The following FYB2 variants were observed in gnomAD, a reference collection of about 807,000 sequenced individuals.
FYB2 encodes the protein FYN binding protein 2, also known as FYN-binding protein 2.
A neutral mutation model predicts 94.1 loss-of-function variants in FYB2; 103 were observed. That is an observed-to-expected ratio of 1.09 (90% confidence interval 0.93 to 1.29). FYB2 has a LOEUF of 1.29. Among genes scored for constraint, FYB2 ranks in the 50% most tolerant of loss-of-function variants. The probability of loss-of-function intolerance (pLI) is 0.00; values close to 1 mark genes in which losing one functional copy is unlikely to be tolerated. For synonymous variants in FYB2, 293 were observed against 287.9 expected, an observed-to-expected ratio of 1.02 and a Z score of -0.18; for missense variants, 896 against 841.5, an observed-to-expected ratio of 1.06 and a Z score of -0.80.
chr1:56,747,629 T>C (rs540059276), intron 9 of FYB2, among the ~76,000 whole-genome samples: 1 of 152,236 alleles, frequency 6.6e-6, no homozygotes, highest in East Asian at 1.9e-4. Flanking sequence ...GGTATATATG[T>C]GCCACATTTT....
intron 1 of FYB2, among the ~76,000 whole-genome samples, chr1:56,809,852 T>C (rs1392622426): frequency 6.6e-6 from 1 of 152,238 alleles, no homozygotes; most frequent in South Asian, 2.1e-4. Context: ...TTTACAAAGC[T>C]ATTTCACTTC....
chr1:56,798,221 A>G (rs981450828), intron 1 of FYB2, among the ~76,000 whole-genome samples: 1 of 152,226 alleles, frequency 6.6e-6, no homozygotes, highest in African/African-American at 2.4e-5. Context: ...TAGAATGCCC[A>G]TGGAAACAAA....
chr1:56,794,020 G>A (rs1294919491), intron 1 of FYB2, among the ~76,000 whole-genome samples: 5 of 152,180 alleles, frequency 3.3e-5, no homozygotes, highest in African/African-American at 1.2e-4. Context: ...CATTATAAGT[G>A]AAATGTCCAT....
At chr1:56,764,120 T>G (rs1176465007) in intron 5 of FYB2, among the ~76,000 whole-genome samples, 2 of 151,952 alleles carry the variant, frequency 1.3e-5, no homozygotes, top group Non-Finnish European at 2.9e-5. Flanking sequence ...CCAGCTAATT[T>G]TTTTTGTATT....
At chr1:56,752,273 T>C (rs1435154743) in intron 8 of FYB2, among the ~76,000 whole-genome samples, 3 of 152,060 alleles carry the variant, frequency 2.0e-5, no homozygotes, top group Non-Finnish European at 4.4e-5. Context: ...CCTGATCACA[T>C]TTACATTTCA....
At position 56,819,272 on chromosome 1, in the gene FYB2, A is replaced by T. The variant is rs148020089; in HGVS notation, c.9+10T>A. 1.9e-5 allele frequency: 31 copies of T among 1,614,220 alleles called. No individual in the cohort carries two copies. The African/African-American group carries it at 2.9e-4, about 15-fold the overall frequency. ...ACAGAAAGCCAGCAACAAAACTGAG[A>T]CAGCCTTACCCCTTCCATTGCTTTC... On this transcript the variant is annotated intron_variant, in intron 1 of 19. Transcript: ENST00000343433.
Position 56,726,530 on chromosome 1 carries a change from T to C in FYB2, c.1847A>G (p.Lys616Arg). ...WKPKFLTPKEKKEKNGAEESE... is the reference protein window; with the variant it reads ...WKPKFLTPKERKEKNGAEESE... ...TTCTTCAGCACCGTTTTTCTCTTTT[T>C]TTTCCTTTGGTGTCAGAAACTTGGG... Residue 616 changes from lysine to arginine, a missense_variant, in exon 16 of 20, where the codon AAA becomes AGA. Lys to Arg is a conservative substitution (Grantham distance 26). Coordinates refer to ENST00000343433, the MANE Select transcript of FYB2 (RefSeq NM_001004303.5). 1 of 1,612,442 alleles carries C rather than the reference T, an allele frequency of 6.2e-7. No individual in the cohort carries two copies. The highest frequency in any genetic ancestry group is 8.5e-7 in the Non-Finnish European group (1 of 1,179,030).
chr1:56,741,483 C>A (rs546336081), intron 12 of FYB2, among the ~76,000 whole-genome samples: 3 of 152,132 alleles, frequency 2.0e-5, no homozygotes, highest in Admixed American at 6.6e-5. Context: ...CTGATGATTA[C>A]AATTCTGTCA....
chr1:56,793,999 A>C (rs1357613493), intron 1 of FYB2, among the ~76,000 whole-genome samples: 1 of 152,196 alleles, frequency 6.6e-6, no homozygotes, highest in Non-Finnish European at 1.5e-5. Flanking sequence ...AAACAGTAGC[A>C]GTATTAGGGC....
At position 56,751,519 on chromosome 1, in the gene FYB2, T is replaced by C. The variant is rs372429699; in HGVS notation, c.1228-316A>G. ...ATCATGATACCTCATGAGAAAAGTATCATCAGTTCTCTTGATAAAGAGTTT... is the reference window on the plus strand; with the variant it reads ...ATCATGATACCTCATGAGAAAAGTACCATCAGTTCTCTTGATAAAGAGTTT... On this transcript the variant is annotated intron_variant, in intron 8 of 19. Coordinates refer to ENST00000343433, the MANE Select transcript of FYB2 (RefSeq NM_001004303.5). 5.9e-5 allele frequency among the ~76,000 whole-genome samples: 9 copies of C among 152,170 alleles called. No individual in the cohort carries two copies. In the East Asian group the frequency reaches 1.2e-3, roughly 20 times the overall value.
chr1:56,803,859 A>G (rs1339650161), intron 1 of FYB2, among the ~76,000 whole-genome samples: 1 of 152,134 alleles, frequency 6.6e-6, no homozygotes. Flanking sequence ...AATTTTACTC[A>G]TTCTTCTAGG....
chr1:56,792,858 A>G (rs1646306344), intron 1 of FYB2, 55 bp from the exon 2 acceptor site: 12 of 1,489,220 alleles, frequency 8.1e-6, no homozygotes, highest in African/African-American at 1.4e-5. Flanking sequence ...ACAAACAACA[A>G]CAACAAAAAC....
At chr1:56,724,574 T>C (rs1644549431) in intron 16 of FYB2, among the ~76,000 whole-genome samples, 1 of 152,070 alleles carries the variant, frequency 6.6e-6, no homozygotes, top group African/African-American at 2.4e-5. Flanking sequence ...CATTGGTGTA[T>C]CTGCCTGCAG....
At chr1:56,726,683 A>G (rs756099355) in intron 15 of FYB2, 100 bp from the exon 16 acceptor site, 25 of 661,114 alleles carry the variant, frequency 3.8e-5, no homozygotes, top group Non-Finnish European at 5.2e-5. Flanking sequence ...AAAAAATTAA[A>G]AAGTCATCTA....
chr1:56,754,902 G>A (rs1401158980), intron 7 of FYB2, among the ~76,000 whole-genome samples: 1 of 152,026 alleles, frequency 6.6e-6, no homozygotes, highest in East Asian at 1.9e-4. Flanking sequence ...CTGTGTTAGT[G>A]CTACAAGGTA....
chr1:56,811,555 G>A (rs1646767044), intron 1 of FYB2, among the ~76,000 whole-genome samples: 1 of 152,172 alleles, frequency 6.6e-6, no homozygotes, highest in Non-Finnish European at 1.5e-5. Context: ...GCTCCAGGTG[G>A]ACCATGACTC....
chr1:56,766,249 C>G (rs1343884105), intron 5 of FYB2, among the ~76,000 whole-genome samples: 2 of 152,080 alleles, frequency 1.3e-5, no homozygotes, highest in African/African-American at 2.4e-5. Flanking sequence ...AATTGAGAAG[C>G]CCTGCTCTAA....
chr1:56,774,357 G>A (rs1036942927), intron 4 of FYB2, among the ~76,000 whole-genome samples: 4 of 152,180 alleles, frequency 2.6e-5, no homozygotes, highest in African/African-American at 7.2e-5. Flanking sequence ...CATGCTTAGC[G>A]TAGTGCTTGG....
intron 8 of FYB2, 30 bp from the exon 9 acceptor site, chr1:56,751,233 A>G (rs534795391): frequency 6.2e-7 from 1 of 1,605,736 alleles, no homozygotes; most frequent in African/African-American, 1.3e-5. Flanking sequence ...AGAATACTGT[A>G]GGGCTGTGAC....
Sources: allele counts gnomAD v4.1 joint callset (sites outside exome capture counted in the v4.1 genomes callset), GRCh38; gene constraint gnomAD v4.1.1; transcripts MANE v1.5; gene names NCBI Gene and HGNC (gene_info 2026-07-23, HGNC 2026-07-21).